RPAP2: variants seen among roughly 807,000 people sequenced by gnomAD.
The protein encoded by RPAP2 is putative RNA polymerase II subunit B1 CTD phosphatase RPAP2.
A neutral mutation model predicts 73.1 loss-of-function variants in RPAP2; 52 were observed. That is an observed-to-expected ratio of 0.71 (90% CI 0.57 to 0.90). The LOEUF (loss-of-function observed/expected upper bound fraction) is 0.90. RPAP2 is among the 40% of genes least tolerant of loss of function. The pLI is 0.00. For synonymous variants in RPAP2, 225 were observed against 242.1 expected, an observed-to-expected ratio of 0.93 and a Z score of 0.65; for missense variants, 598 against 701.8, an observed-to-expected ratio of 0.85 and a Z score of 1.67.
intron 10 of RPAP2, among the ~76,000 whole-genome samples, chr1:92,339,266 T>C (rs1459722811): frequency 6.6e-6 from 1 of 152,104 alleles, no homozygotes; most frequent in South Asian, 2.1e-4. Context: ...GGAAGCTTAT[T>C]AGAATCACCT....
At chr1:92,320,736 C>T in intron 7 of RPAP2, 102 bp downstream of exon 7, 1 of 839,058 alleles carries the variant, frequency 1.2e-6, no homozygotes. Context: ...TGTGCTGATG[C>T]ATTATGTAAG....
rs545274525 is a variant in RPAP2 at position 92,400,846 on chromosome 1, A to G, written c.*13835A>G. Reference sequence around the variant, plus strand: ...GGAGAGTGTATTAGTCTATTCTTACATTGCTATAAGGAAATACCCCAGACT... The same window carrying G: ...GGAGAGTGTATTAGTCTATTCTTACGTTGCTATAAGGAAATACCCCAGACT... On this transcript the variant is annotated 3_prime_UTR_variant, in exon 13 of 13. Transcript: ENST00000610020. 9.8e-5 allele frequency: 15 copies of G among 152,352 alleles called. No homozygotes were observed. The highest frequency in any genetic ancestry group is 3.6e-4 in the African/African-American group (15 of 41,582). The allele number at this position is 152,352 out of a possible 1,614,324, so 9.4% of individuals were successfully genotyped here. A position where few individuals can be genotyped will look rare whatever the true frequency, so the allele number is the denominator to read the frequency against.
intron 12 of RPAP2, among the ~76,000 whole-genome samples, chr1:92,381,279 C>T (rs1203814962): frequency 6.6e-6 from 1 of 152,118 alleles, no homozygotes; most frequent in Non-Finnish European, 1.5e-5. Context: ...TGAAATCAAC[C>T]CCTACCCAGC....
At position 92,304,087 on chromosome 1, in the gene RPAP2, A is replaced by G. The variant is rs1557587781; in HGVS notation, c.333+12A>G. 2 of 1,553,628 alleles carry G rather than the reference A, an allele frequency of 1.3e-6. No individual in the cohort carries two copies. Among genetic ancestry groups the G allele is most frequent in the Non-Finnish European group, 1.8e-6 (2 of 1,137,504 alleles). ...AGAAGCTGGGAATTGTAAGTAACTC[A>G]TTTTTTTTAAAATATAGGCTTTTAT... On this transcript the variant is annotated intron_variant, in intron 4 of 12. Transcript: ENST00000610020.
At position 92,323,506 on chromosome 1, in the gene RPAP2, A is replaced by T. The variant is rs747428523; in HGVS notation, c.586A>T (p.Asn196Tyr). 3.7e-6 allele frequency: 6 copies of T among 1,613,768 alleles called. No homozygotes were observed. Among genetic ancestry groups the T allele is most frequent in the Non-Finnish European group, 5.1e-6 (6 of 1,179,830 alleles). The change falls in exon 8 of 13, where the codon AAT becomes TAT. Residue 196 changes from asparagine (N) to tyrosine (Y), a missense_variant. Coordinates refer to ENST00000610020, the MANE Select transcript of RPAP2 (RefSeq NM_024813.3). ...SKAIKTSDID[N>Y]PSHFEKQYES... ...AGCCATTAAAACATCAGATATCGACAATCCTAGCCACTTTGAAAAGCAATA... is the reference window on the plus strand; with the variant it reads ...AGCCATTAAAACATCAGATATCGACTATCCTAGCCACTTTGAAAAGCAATA...
At chr1:92,377,480 T>C (rs889965041) in intron 11 of RPAP2, among the ~76,000 whole-genome samples, 4 of 133,290 alleles carry the variant, frequency 3.0e-5, no homozygotes, top group Non-Finnish European at 6.1e-5. Context: ...ATCGTGCCAC[T>C]GCACTCCAGC....
intron 11 of RPAP2, among the ~76,000 whole-genome samples, chr1:92,365,570 G>A (rs1464033300): frequency 1.3e-5 from 2 of 152,178 alleles, no homozygotes; most frequent in Admixed American, 1.3e-4. Context: ...TAAATCAGTT[G>A]ACTTAGCTGC....
intron 8 of RPAP2, among the ~76,000 whole-genome samples, chr1:92,330,290 G>A (rs1652883618): frequency 6.6e-6 from 1 of 152,132 alleles, no homozygotes; most frequent in Non-Finnish European, 1.5e-5. Flanking sequence ...TCGTTATCAG[G>A]TTTTGGTTGT....
At chr1:92,346,007 C>T (rs1653875550) in intron 11 of RPAP2, 93 bp downstream of exon 11, 1 of 863,360 alleles carries the variant, frequency 1.2e-6, no homozygotes, top group African/African-American at 1.7e-5. Flanking sequence ...TGTAAACTGC[C>T]TTGGAAAATA....
chr1:92,307,126 C>T lies in RPAP2; in HGVS notation c.400-62C>T, dbSNP rs879080184. On this transcript the variant is annotated intron_variant, in intron 5 of 12. Coordinates refer to ENST00000610020, the MANE Select transcript of RPAP2 (RefSeq NM_024813.3). The stretch of plus-strand genomic sequence containing the variant: ...ACGATACATTTATGTTTTATACTCT[C>T]AACTGTATGTAGGTAATGTTTCATG... The T allele has an allele frequency of 6.7e-5, 74 of 1,099,380 alleles. 1 individual carries two copies. The South Asian group carries it at 9.9e-4, about 15-fold the overall frequency. 68.1% of individuals were successfully genotyped at this position (1,099,380 alleles called of 1,614,324 possible).
chr1:92,310,108 TAATC>T (rs1289173206), intron 6 of RPAP2, among the ~76,000 whole-genome samples: 1 of 152,326 alleles, frequency 6.6e-6, no homozygotes, highest in East Asian at 1.9e-4. Context: ...AAACAGTGAA[TAATC>T]TATATATATG....
intron 8 of RPAP2, among the ~76,000 whole-genome samples, chr1:92,327,635 A>G (rs750202271): frequency 5.9e-5 from 9 of 151,858 alleles, no homozygotes; most frequent in Non-Finnish European, 1.3e-4. Flanking sequence ...TAAGTGGAGC[A>G]TTTAGGCCAT....
At chr1:92,323,307 G>A (rs2101177557) in intron 7 of RPAP2, 138 bp from the exon 8 acceptor site, 1 of 475,064 alleles carries the variant, frequency 2.1e-6, no homozygotes, top group South Asian at 6.1e-5. Flanking sequence ...CTAGAAATAA[G>A]GTTTTGTCTG....
chr1:92,326,296 G>A (rs543360376), intron 8 of RPAP2, among the ~76,000 whole-genome samples: 4 of 152,230 alleles, frequency 2.6e-5, no homozygotes, highest in African/African-American at 7.2e-5. Flanking sequence ...TGACCACTTG[G>A]ATAATCTCTT....
Position 92,307,182 on chromosome 1 carries a change from T to C in RPAP2, c.400-6T>C. ...AAAAAAACTAGATTTATAATGTTCT[T>C]TTCAGTCTTTTTGCAGCAATTTTTG... On this transcript the variant is annotated splice_region_variant and splice_polypyrimidine_tract_variant and intron_variant, in intron 5 of 12. Transcript: ENST00000610020. 1 of 1,601,742 alleles carries C rather than the reference T, an allele frequency of 6.2e-7. No homozygotes were observed. The highest frequency in any genetic ancestry group is 8.5e-7 in the Non-Finnish European group (1 of 1,171,066).
At chr1:92,345,116 A>G (rs1445687528) in intron 10 of RPAP2, among the ~76,000 whole-genome samples, 2 of 152,082 alleles carry the variant, frequency 1.3e-5, no homozygotes, top group African/African-American at 2.4e-5. Context: ...CATTTCTGTA[A>G]ATTATGCATT....
chr1:92,349,954 C>T (rs1654114933), intron 11 of RPAP2, among the ~76,000 whole-genome samples: 1 of 152,076 alleles, frequency 6.6e-6, no homozygotes. Flanking sequence ...TGGACCATAA[C>T]ATGTAATTTA....
intron 6 of RPAP2, among the ~76,000 whole-genome samples, chr1:92,307,478 T>G (rs1651318030): frequency 6.6e-6 from 1 of 152,202 alleles, no homozygotes; most frequent in Non-Finnish European, 1.5e-5. Context: ...CAAATGTTAT[T>G]TGTTTGTTGT....
rs1306125416 is a variant in RPAP2 at position 92,301,554 on chromosome 1, AGAG to A, written c.202_204del (p.Glu68del). ...CTCTACATATTGTTGAACAGCTTTT[AGAG>A]GAGAATATTACAGAAGAGTTCCTAA... On this transcript the variant is annotated inframe_deletion, in exon 3 of 13. Coordinates refer to ENST00000610020, the MANE Select transcript of RPAP2 (RefSeq NM_024813.3). 2.6e-6 allele frequency: 4 copies of A among 1,565,796 alleles called. No individual in the cohort carries two copies. Among genetic ancestry groups the A allele is most frequent in the African/African-American group, 1.4e-5 (1 of 72,534 alleles).
Sources: gnomAD v4.1 joint callset for allele counts (sites outside exome capture counted in the v4.1 genomes callset) on GRCh38, gnomAD v4.1.1 for gene constraint, MANE v1.5 for transcripts, NCBI Gene and HGNC (gene_info 2026-07-23, HGNC 2026-07-21) for gene names.